B3GALNT2: variants seen among roughly 807,000 people sequenced by gnomAD.
The protein encoded by B3GALNT2 is UDP-GalNAc:beta-1,3-N-acetylgalactosaminyltransferase 2.
A neutral mutation model predicts 61.1 loss-of-function variants in B3GALNT2; 53 were observed. The observed-to-expected ratio is 0.87, with a 90% confidence interval of 0.70 to 1.09. The LOEUF (loss-of-function observed/expected upper bound fraction) is 1.09, where lower values mean the gene tolerates loss of function less well. Among genes scored for constraint, B3GALNT2 ranks in the 50% least tolerant of loss-of-function variants. The pLI, the probability that B3GALNT2 is intolerant of heterozygous loss-of-function variation, is 0.00. For missense variants in B3GALNT2, 544 were observed against 623.0 expected, an observed-to-expected ratio of 0.87 and a Z score of 1.35; for synonymous variants, 223 against 237.4, an observed-to-expected ratio of 0.94 and a Z score of 0.56.
chr1:235,493,456 T>C (rs1206242768), intron 2 of B3GALNT2, among the ~76,000 whole-genome samples: 2 of 152,150 alleles, frequency 1.3e-5, no homozygotes, highest in Non-Finnish European at 2.9e-5. Context: ...TGAAAGCTAC[T>C]ATGAGTAAGC....
intron 7 of B3GALNT2, 125 bp from the exon 8 acceptor site, chr1:235,458,911 C>CT (rs1459534137): frequency 3.4e-6 from 3 of 871,154 alleles, no homozygotes; most frequent in Non-Finnish European, 4.9e-6. Context: ...TTGTTTGGAA[C>CT]TTTAGGTAGA....
chr1:235,464,329 C>CAAT (rs1683581636), intron 7 of B3GALNT2: 1 of 64,890 alleles, frequency 1.5e-5, no homozygotes, highest in Admixed American at 1.5e-4. Flanking sequence ...TACAATTCAA[C>CAAT]AATAAAATAA....
chr1:235,455,503 T>C, intron 9 of B3GALNT2, 56 bp downstream of exon 9: 1 of 1,548,072 alleles, frequency 6.5e-7, no homozygotes, highest in Admixed American at 1.8e-5. Flanking sequence ...TTATGCTTTA[T>C]TAATTACATT....
intron 6 of B3GALNT2, among the ~76,000 whole-genome samples, chr1:235,466,462 C>T (rs767875170): frequency 2.6e-5 from 4 of 152,108 alleles, no homozygotes; most frequent in Non-Finnish European, 5.9e-5. Flanking sequence ...ATACAATCTT[C>T]CCATCTCAGC....
rs1169655703 is a variant in B3GALNT2 at position 235,448,445 on chromosome 1, G to A, written c.*1761C>T. The A allele has an allele frequency of 6.2e-7, 1 of 1,613,810 alleles. No homozygotes were observed. Among genetic ancestry groups the A allele is most frequent in the Non-Finnish European group, 8.5e-7 (1 of 1,179,752 alleles). On this transcript the variant is annotated 3_prime_UTR_variant, in exon 12 of 12. Transcript: ENST00000366600. ...TTGTCCTATGAAAGTCCCAAAGTAA[G>A]TTGCCCAGCAAAATACAAAGTCAAA...
chr1:235,449,038 T>TTAAATAGAAAGAAACTAGC lies in B3GALNT2; in HGVS notation c.*1149_*1167dup. ...TGCATTTCATGATAAGATTTAAATATTAAATAGAAAGAAACTAGCTAGCCT... is the reference window on the plus strand; with the variant it reads ...TGCATTTCATGATAAGATTTAAATATTAAATAGAAAGAAACTAGCTAAATAGAAAGAAACTAGCTAGCCT... On this transcript the variant is annotated 3_prime_UTR_variant, in exon 12 of 12. Transcript: ENST00000366600. 1 of 354,432 alleles carries TTAAATAGAAAGAAACTAGC rather than the reference T, an allele frequency of 2.8e-6. No individual in the cohort carries two copies. The highest frequency in any genetic ancestry group is 7.0e-5 in the East Asian group (1 of 14,336). The allele number at this position is 354,432 out of a possible 1,614,324, so 22.0% of individuals were successfully genotyped here. A position where few individuals can be genotyped will look rare whatever the true frequency, so the allele number is the denominator to read the frequency against.
intron 1 of B3GALNT2, among the ~76,000 whole-genome samples, chr1:235,496,844 A>T (rs1412387777): frequency 6.6e-6 from 1 of 152,190 alleles, no homozygotes; most frequent in Non-Finnish European, 1.5e-5. Context: ...TGCCTGGCCC[A>T]GTACTTGTTG....
chr1:235,470,026 T>C (rs1044703820), intron 6 of B3GALNT2, among the ~76,000 whole-genome samples: 1 of 151,844 alleles, frequency 6.6e-6, no homozygotes, highest in Non-Finnish European at 1.5e-5. Flanking sequence ...GCCACCTGAG[T>C]AGCTGGGATT....
At chr1:235,460,441 G>T (rs1363424976) in intron 7 of B3GALNT2, among the ~76,000 whole-genome samples, 2 of 145,278 alleles carry the variant, frequency 1.4e-5, no homozygotes, top group African/African-American at 2.5e-5. Flanking sequence ...ACTGTGCCTG[G>T]CCATGTTTTA....
At chr1:235,473,221 T>C (rs1421189146) in intron 5 of B3GALNT2, among the ~76,000 whole-genome samples, 1 of 152,208 alleles carries the variant, frequency 6.6e-6, no homozygotes, top group East Asian at 1.9e-4. Flanking sequence ...TTTCCCTTCC[T>C]TTCTTTCCTT....
chr1:235,443,165 TAC>T (rs759694992), downstream of B3GALNT2, among the ~76,000 whole-genome samples: 330 of 148,390 alleles, frequency 2.2e-3, 1 homozygote, highest in African/African-American at 6.9e-3. Context: ...TGCATATAAT[TAC>T]ACACACACAC....
chr1:235,471,298 CCT>C (rs1436579804), intron 5 of B3GALNT2, among the ~76,000 whole-genome samples: 1 of 152,062 alleles, frequency 6.6e-6, no homozygotes, highest in African/African-American at 2.4e-5. Context: ...GCAGATACAC[CCT>C]GATTTACTCA....
chr1:235,471,007 T>C, intron 5 of B3GALNT2, 47 bp from the exon 6 acceptor site: 1 of 1,598,652 alleles, frequency 6.3e-7, no homozygotes, highest in Non-Finnish European at 8.5e-7. Flanking sequence ...ATTGCTGTCA[T>C]TTAGGTTTTA....
At chr1:235,487,976 G>A (rs1684882012) in intron 3 of B3GALNT2, among the ~76,000 whole-genome samples, 1 of 151,958 alleles carries the variant, frequency 6.6e-6, no homozygotes, top group Non-Finnish European at 1.5e-5. Context: ...TTCAGACATG[G>A]GAGCTCACTA....
chr1:235,451,453 C>A (rs1572476855), intron 11 of B3GALNT2: 1 of 115,920 alleles, frequency 8.6e-6, no homozygotes. Flanking sequence ...ACTCAGTTTC[C>A]AAAGACATGA....
intron 5 of B3GALNT2, among the ~76,000 whole-genome samples, chr1:235,475,315 G>A (rs891614604): frequency 6.6e-6 from 1 of 151,856 alleles, no homozygotes; most frequent in African/African-American, 2.4e-5. Context: ...AATATTTTAA[G>A]AGAAACACAC....
intron 11 of B3GALNT2, among the ~76,000 whole-genome samples, 169 bp downstream of exon 11, chr1:235,452,921 T>C (rs112131666): frequency 6.6e-6 from 1 of 152,206 alleles, no homozygotes; most frequent in African/African-American, 2.4e-5. Context: ...GATTTTCAGA[T>C]TTGGAATGTG....
At chr1:235,459,947 C>T (rs1023866618) in intron 7 of B3GALNT2, among the ~76,000 whole-genome samples, 2 of 152,024 alleles carry the variant, frequency 1.3e-5, no homozygotes, top group Non-Finnish European at 1.5e-5. Flanking sequence ...GTGTTAGCTA[C>T]CACGCCCGGC....
chr1:235,472,446 T>G (rs531758418), intron 5 of B3GALNT2, among the ~76,000 whole-genome samples: 15 of 152,316 alleles, frequency 9.8e-5, no homozygotes, highest in Admixed American at 2.0e-4. Context: ...CCAGATGTCC[T>G]CCAGAAGGCT....
Sources: allele counts gnomAD v4.1 joint callset (sites outside exome capture counted in the v4.1 genomes callset), GRCh38; gene constraint gnomAD v4.1.1; transcripts MANE v1.5; gene names NCBI Gene and HGNC (gene_info 2026-07-23, HGNC 2026-07-21).